The following TIAM1 variants were observed in gnomAD, a reference collection of about 807,000 sequenced individuals.
TIAM1 encodes the protein TIAM Rac1 associated GEF 1.
Under a neutral mutation model 163.5 loss-of-function variants are expected in TIAM1, and 65 were observed. The observed-to-expected ratio is 0.40, with a 90% confidence interval of 0.33 to 0.49. The LOEUF (loss-of-function observed/expected upper bound fraction) is 0.49, where lower values mean the gene tolerates loss of function less well. TIAM1 is among the 20% of genes least tolerant of loss of function. The probability of loss-of-function intolerance (pLI) is 0.77; values close to 1 mark genes in which losing one functional copy is unlikely to be tolerated. For missense variants in TIAM1, 1,789 were observed against 2,044.7 expected (o/e 0.87, Z 2.41); for synonymous variants, 833 against 810.1 (o/e 1.03, Z -0.48).
intron 2 of TIAM1, among the ~76,000 whole-genome samples, chr21:31,323,634 C>G (rs1342689678): frequency 7.0e-6 from 1 of 141,872 alleles, no homozygotes; most frequent in South Asian, 2.6e-4. Flanking sequence ...AGTTTGAGAC[C>G]AGCCTGGCCA....
At chr21:31,272,139 G>C (rs1293108438) in intron 3 of TIAM1, among the ~76,000 whole-genome samples, 1 of 152,152 alleles carries the variant, frequency 6.6e-6, no homozygotes, top group Non-Finnish European at 1.5e-5. Context: ...CTACAGCTGA[G>C]CAAAATCATC....
intron 2 of TIAM1, among the ~76,000 whole-genome samples, chr21:31,295,274 T>C (rs563883436): frequency 8.4e-4 from 128 of 152,070 alleles, no homozygotes; most frequent in African/African-American, 2.3e-3. Flanking sequence ...ATCGAGACCA[T>C]CCCGGCTAAC....
chr21:31,166,082 G>A (rs914616664), intron 15 of TIAM1, among the ~76,000 whole-genome samples: 1 of 152,208 alleles, frequency 6.6e-6, no homozygotes, highest in African/African-American at 2.4e-5. Flanking sequence ...CATGTTTAAT[G>A]CAGATTCTCA....
chr21:31,257,942 G>A (rs1020130917), intron 4 of TIAM1, among the ~76,000 whole-genome samples: 3 of 124,304 alleles, frequency 2.4e-5, no homozygotes, highest in Admixed American at 9.5e-5. Context: ...CTCCTTGCTC[G>A]AATGTGCTGG....
intron 2 of TIAM1, among the ~76,000 whole-genome samples, chr21:31,423,859 G>A (rs1214150979): frequency 9.2e-6 from 1 of 108,372 alleles, no homozygotes; most frequent in African/African-American, 5.1e-5. Context: ...ATTATCGGGG[G>A]GGGCGGGGGG....
intron 19 of TIAM1, among the ~76,000 whole-genome samples, chr21:31,151,441 C>T (rs752485410): frequency 2.6e-5 from 4 of 152,164 alleles, no homozygotes; most frequent in Non-Finnish European, 4.4e-5. Flanking sequence ...TACAACTACG[C>T]TGAGTGGAAG....
intron 2 of TIAM1, among the ~76,000 whole-genome samples, chr21:31,456,449 G>A (rs1238152242): frequency 6.6e-6 from 1 of 152,214 alleles, no homozygotes; most frequent in African/African-American, 2.4e-5. Flanking sequence ...GTCACTCAGG[G>A]CAAAGGGCCT....
intron 8 of TIAM1, among the ~76,000 whole-genome samples, chr21:31,223,053 C>T (rs2087714946): frequency 6.6e-6 from 1 of 151,976 alleles, no homozygotes; most frequent in Non-Finnish European, 1.5e-5. Context: ...GAGCACTCCA[C>T]TCACCATTCC....
At chr21:31,408,968 A>G (rs1359878381) in intron 2 of TIAM1, among the ~76,000 whole-genome samples, 1 of 151,242 alleles carries the variant, frequency 6.6e-6, no homozygotes, top group Non-Finnish European at 1.5e-5. Context: ...AGCCACCGAA[A>G]CACCATCACC....
chr21:31,318,553 A>T (rs1191731145), intron 2 of TIAM1, among the ~76,000 whole-genome samples: 6 of 152,250 alleles, frequency 3.9e-5, no homozygotes, highest in African/African-American at 1.4e-4. Context: ...CTGTATATAG[A>T]GCATCCAAGA....
intron 27 of TIAM1, among the ~76,000 whole-genome samples, chr21:31,121,368 C>T (rs1251130971): frequency 1.3e-5 from 2 of 152,144 alleles, no homozygotes; most frequent in East Asian, 3.9e-4. Flanking sequence ...GTAGAATGTG[C>T]ATCAAGGAGG....
chr21:31,168,155 T>G (rs1487511343), intron 15 of TIAM1, among the ~76,000 whole-genome samples: 1 of 149,592 alleles, frequency 6.7e-6, no homozygotes, highest in East Asian at 2.0e-4. Flanking sequence ...TGCAGTGGTG[T>G]GATCTCAGTT....
intron 5 of TIAM1, among the ~76,000 whole-genome samples, chr21:31,248,622 T>C (rs1200104468): frequency 2.6e-5 from 4 of 152,210 alleles, no homozygotes; most frequent in Admixed American, 2.6e-4. Context: ...AAAATCTCTA[T>C]CCCACAGTTC....
intron 14 of TIAM1, among the ~76,000 whole-genome samples, chr21:31,186,736 G>A (rs118087166): frequency 6.6e-6 from 1 of 152,162 alleles, no homozygotes; most frequent in East Asian, 1.9e-4. Flanking sequence ...ACCTATGATT[G>A]CGCCACTGGA....
intron 4 of TIAM1, among the ~76,000 whole-genome samples, chr21:31,265,121 C>T (rs2072681405): frequency 6.6e-6 from 1 of 151,274 alleles, no homozygotes; most frequent in Non-Finnish European, 1.5e-5. Context: ...AACTGCCCAA[C>T]ATTTTATTAT....
rs552146138 is a variant in TIAM1 at position 31,487,537 on chromosome 21, A to ATT, written c.-421-23504_-421-23503dup. Among the ~76,000 whole-genome samples the ATT allele has an allele frequency of 1.0e-3, 126 of 124,016 alleles. 2 individuals are homozygous for ATT. The highest frequency in any genetic ancestry group is 3.7e-3 in the African/African-American group (119 of 31,734). The allele number at this position is 124,016 out of a possible 152,430, so 81.4% of individuals were successfully genotyped here. A position where few individuals can be genotyped will look rare whatever the true frequency, so the allele number is the denominator to read the frequency against. ...AGGTGGCCGCCACCATGCCCAGCTA[A>ATT]TTTTTTTTTTTTTTGTATTTTTTTT... is the stretch of plus-strand genomic sequence containing the variant. On this transcript the variant is annotated intron_variant, in intron 1 of 28. Transcript: ENST00000286827.
In TIAM1 at chr21:31,245,603, A is replaced by G; in HGVS notation, c.1469T>C (p.Ile490Thr). The stretch of plus-strand genomic sequence containing the variant: ...CTCCACCCAGACGGCGTGTTTGGGG[A>G]TGCTGTTGTGGTCTATCCCAGACCT... Reference protein sequence around the residue: ...DGRSGIDHNSIPKHAVWVENS... With the variant: ...DGRSGIDHNSTPKHAVWVENS... The change falls in exon 6 of 28, where the codon ATC (isoleucine) becomes ACC (threonine). Residue 490 changes from isoleucine to threonine, a missense_variant. Transcript: ENST00000541036. 2 of 1,607,846 alleles carry G rather than the reference A, an allele frequency of 1.2e-6. No homozygotes were observed. Among genetic ancestry groups the G allele is most frequent in the Non-Finnish European group, 1.7e-6 (2 of 1,177,226 alleles).
chr21:31,144,860 A>G (rs1011175895), intron 20 of TIAM1, among the ~76,000 whole-genome samples: 3 of 151,372 alleles, frequency 2.0e-5, no homozygotes, highest in Non-Finnish European at 4.4e-5. Flanking sequence ...AAAGAAAAGA[A>G]AAGAAAAATA....
chr21:31,552,513 C>A (rs1017618705), intron 1 of TIAM1, among the ~76,000 whole-genome samples: 1 of 152,156 alleles, frequency 6.6e-6, no homozygotes, highest in African/African-American at 2.4e-5. Flanking sequence ...GTGGCTCACA[C>A]CTGTAATCCC....
Sources: allele counts gnomAD v4.1 joint callset (sites outside exome capture counted in the v4.1 genomes callset), GRCh38; gene constraint gnomAD v4.1.1; transcripts MANE v1.5; gene names NCBI Gene and HGNC (gene_info 2026-07-23, HGNC 2026-07-21).